Variants in CHSY3 observed in about 807,000 individuals in gnomAD.
The protein encoded by CHSY3 is N-acetylgalactosaminyl-proteoglycan 3-beta-glucuronosyltransferase 3.
CHSY3 carries 35 observed loss-of-function variants against 67.2 expected under a neutral mutation model. That is an observed-to-expected ratio of 0.52 (90% confidence interval 0.40 to 0.69). The LOEUF (loss-of-function observed/expected upper bound fraction) is 0.69, where lower values mean the gene tolerates loss of function less well. CHSY3 is among the 30% of genes least tolerant of loss of function. The pLI, the probability that CHSY3 is intolerant of heterozygous loss-of-function variation, is 0.00. For synonymous variants in CHSY3, 474 were observed against 434.7 expected (o/e 1.09, Z -1.12); for missense variants, 1,069 against 1,138.5 (o/e 0.94, Z 0.88).
intron 2 of CHSY3, among the ~76,000 whole-genome samples, chr5:130,172,715 T>C (rs1242758060): frequency 6.6e-6 from 1 of 152,212 alleles, no homozygotes; most frequent in Non-Finnish European, 1.5e-5. Context: ...CTTTTTAATC[T>C]TGCAAAACTG....
At chr5:130,012,514 G>A (rs1764096984) in intron 2 of CHSY3, among the ~76,000 whole-genome samples, 1 of 152,158 alleles carries the variant, frequency 6.6e-6, no homozygotes, top group Admixed American at 6.5e-5. Context: ...AGTTCCACAT[G>A]GCTAGGGAGA....
chr5:130,086,742 A>G (rs1269225598), intron 2 of CHSY3, among the ~76,000 whole-genome samples: 2 of 152,114 alleles, frequency 1.3e-5, no homozygotes, highest in African/African-American at 4.8e-5. Flanking sequence ...ACCAACCAAA[A>G]AGAGTCCAGG....
intron 2 of CHSY3, among the ~76,000 whole-genome samples, chr5:129,977,703 A>G: frequency 6.6e-6 from 1 of 152,080 alleles, no homozygotes; most frequent in East Asian, 1.9e-4. Context: ...AAAAAATATC[A>G]AGTTTTATCA....
intron 2 of CHSY3, among the ~76,000 whole-genome samples, chr5:129,954,287 T>TGTAA (rs1762105377): frequency 6.6e-6 from 1 of 152,160 alleles, no homozygotes; most frequent in Non-Finnish European, 1.5e-5. Context: ...ATCAGATGGT[T>TGTAA]GTAAATGTGT....
intron 2 of CHSY3, among the ~76,000 whole-genome samples, chr5:130,179,665 A>C (rs1246603042): frequency 6.6e-6 from 1 of 151,928 alleles, no homozygotes; most frequent in Non-Finnish European, 1.5e-5. Flanking sequence ...CCAGGTGCCT[A>C]ATGTTTTTCT....
rs73241719 is a variant in CHSY3 at position 129,960,101 on chromosome 5, A to T, written c.1086+51741A>T. Among the ~76,000 whole-genome samples, 1,374 of 152,116 alleles carry T rather than the reference A, an allele frequency of 9.0e-3. 18 individuals carry two copies. Among genetic ancestry groups the T allele is most frequent in the African/African-American group, 0.031 (1,303 of 41,496 alleles). Reference sequence around the variant, plus strand: ...CAGTAGAATTTTCCCTCCCTTAAGAAAGCTTCTTTCCATTCCCGGCACACT... The same window carrying T: ...CAGTAGAATTTTCCCTCCCTTAAGATAGCTTCTTTCCATTCCCGGCACACT... On this transcript the variant is annotated intron_variant, in intron 2 of 2. Coordinates refer to ENST00000305031, the MANE Select transcript of CHSY3 (RefSeq NM_175856.5).
rs115922183 is a variant in CHSY3 at position 130,029,124 on chromosome 5, A to G, written c.1086+120764A>G. On this transcript the variant is annotated intron_variant, in intron 2 of 2. Coordinates refer to ENST00000305031, the MANE Select transcript of CHSY3 (RefSeq NM_175856.5). ...TACTTCTCTCTTACCCCCAGCCAAA[A>G]GCCAGTTGCCCCAATCGTCACAGAA... Among the ~76,000 whole-genome samples the G allele has an allele frequency of 8.9e-3, 1,349 of 152,162 alleles. 13 individuals carry two copies. The highest frequency in any genetic ancestry group is 0.03 in the African/African-American group (1,250 of 41,530).
chr5:130,149,452 A>G (rs1217159195), intron 2 of CHSY3, among the ~76,000 whole-genome samples: 5 of 152,122 alleles, frequency 3.3e-5, no homozygotes, highest in Non-Finnish European at 1.5e-5. Flanking sequence ...GGGGGACGGG[A>G]GGTGCCACAC....
intron 2 of CHSY3, among the ~76,000 whole-genome samples, chr5:130,144,969 G>A (rs948388204): frequency 6.6e-6 from 1 of 152,124 alleles, no homozygotes; most frequent in Non-Finnish European, 1.5e-5. Context: ...GGAAAAGGGG[G>A]AACCAGCACT....
chr5:130,038,172 C>A (rs1053960410), intron 2 of CHSY3, among the ~76,000 whole-genome samples: 3 of 152,022 alleles, frequency 2.0e-5, no homozygotes, highest in African/African-American at 4.8e-5. Flanking sequence ...ACTTTAAATA[C>A]CTCTGGCTAG....
chr5:130,143,799 T>TGTGTAA, intron 2 of CHSY3, among the ~76,000 whole-genome samples: 1 of 87,924 alleles, frequency 1.1e-5, no homozygotes, highest in East Asian at 3.8e-4. Context: ...TATATATATA[T>TGTGTAA]ATATATGTGT....
chr5:130,006,394 G>A (rs1763874194), intron 2 of CHSY3, among the ~76,000 whole-genome samples: 1 of 152,164 alleles, frequency 6.6e-6, no homozygotes, highest in Non-Finnish European at 1.5e-5. Context: ...GCTCATGAAT[G>A]TCTTTAAGCT....
At chr5:130,105,315 A>G (rs1166845872) in intron 2 of CHSY3, among the ~76,000 whole-genome samples, 2 of 151,716 alleles carry the variant, frequency 1.3e-5, no homozygotes, top group Non-Finnish European at 3.0e-5. Flanking sequence ...TAGTCTCACT[A>G]CCAGAGTGTT....
intron 2 of CHSY3, among the ~76,000 whole-genome samples, chr5:129,984,632 A>T (rs1763119978): frequency 6.6e-6 from 1 of 152,162 alleles, no homozygotes; most frequent in South Asian, 2.1e-4. Flanking sequence ...GCTAATTTAC[A>T]TTACCCCAGA....
intron 2 of CHSY3, among the ~76,000 whole-genome samples, chr5:130,069,389 GC>G (rs1386291563): frequency 6.6e-6 from 1 of 152,010 alleles, no homozygotes; most frequent in African/African-American, 2.4e-5. Flanking sequence ...GGTGATTCAT[GC>G]CTGTAATCCC....
chr5:129,945,988 C>T lies in CHSY3; in HGVS notation c.1086+37628C>T, dbSNP rs958609952. Among the ~76,000 whole-genome samples, 4 of 151,856 alleles carry T rather than the reference C, an allele frequency of 2.6e-5. No homozygotes were observed. In the East Asian group the frequency reaches 7.7e-4, roughly 29 times the overall value. ...AAGTGAACCTATAAAAATATTATTC[C>T]AACCACAAAACTTATTTTTAACAAT... is the stretch of plus-strand genomic sequence containing the variant. On this transcript the variant is annotated intron_variant, in intron 2 of 2. Coordinates refer to ENST00000305031, the MANE Select transcript of CHSY3 (RefSeq NM_175856.5).
chr5:130,094,261 T>C (rs1436455600), intron 2 of CHSY3, among the ~76,000 whole-genome samples: 1 of 152,032 alleles, frequency 6.6e-6, no homozygotes, highest in Non-Finnish European at 1.5e-5. Context: ...ATGTAAGCAT[T>C]CAAAGAAAGA....
intron 2 of CHSY3, among the ~76,000 whole-genome samples, chr5:130,019,991 A>G (rs1333409106): frequency 6.6e-6 from 1 of 152,214 alleles, no homozygotes; most frequent in Non-Finnish European, 1.5e-5. Flanking sequence ...TTAGCTTTGT[A>G]CTGAGGAATA....
intron 2 of CHSY3, among the ~76,000 whole-genome samples, chr5:130,087,993 C>A (rs543106520): frequency 1.3e-5 from 2 of 152,250 alleles, no homozygotes; most frequent in South Asian, 2.1e-4. Context: ...GTAACCAAAA[C>A]AACATGGTAG....
Sources: gnomAD v4.1 joint callset for allele counts (sites outside exome capture counted in the v4.1 genomes callset) on GRCh38, gnomAD v4.1.1 for gene constraint, MANE v1.5 for transcripts, NCBI Gene and HGNC (gene_info 2026-07-23, HGNC 2026-07-21) for gene names.